Variants in MID1 observed in about 807,000 individuals in gnomAD.
The protein encoded by MID1 is E3 ubiquitin-protein ligase Midline-1.
Under a neutral mutation model 40.4 loss-of-function variants are expected in MID1, and 7 were observed. The ratio of observed to expected loss-of-function variants is 0.17; its 90% confidence interval spans 0.10 to 0.33. MID1 has a LOEUF of 0.33. Ranked by LOEUF, MID1 falls within the 10% of genes least tolerant of loss-of-function variation. MID1 has a pLI of 1.00. For synonymous variants in MID1, 229 were observed against 221.2 expected (o/e 1.04, Z -0.31); for missense variants, 367 against 558.5 (o/e 0.66, Z 3.46).
At chrX:10,808,847 T>C (rs927922296) in intron 1 of MID1, among the ~76,000 whole-genome samples, 188 of 111,694 alleles carry the variant, frequency 1.7e-3, no homozygotes, top group Non-Finnish European at 3.0e-3. Flanking sequence ...TAGGCAATAC[T>C]ATTCAGGACA....
chrX:10,604,216 T>C (rs1935584429), intron 1 of MID1, among the ~76,000 whole-genome samples: 1 of 111,615 alleles, frequency 9.0e-6, no homozygotes, highest in Admixed American at 9.5e-5. Context: ...TTGAAATATA[T>C]ATATTTCAAA....
chrX:10,766,737 A>C (rs1401566274), intron 1 of MID1, among the ~76,000 whole-genome samples: 13 of 109,410 alleles, frequency 1.2e-4, no homozygotes, highest in African/African-American at 4.3e-4. Context: ...CTGGGCAACA[A>C]GGTGAAACCT....
chrX:10,735,457 G>A (rs1466406468), intron 1 of MID1, among the ~76,000 whole-genome samples: 2 of 111,505 alleles, frequency 1.8e-5, no homozygotes, highest in Non-Finnish European at 3.8e-5. Flanking sequence ...ACCCAACGTA[G>A]TTTCTCTCTT....
At chrX:10,616,086 G>A (rs1200505586) in intron 1 of MID1, among the ~76,000 whole-genome samples, 5 of 111,869 alleles carry the variant, frequency 4.5e-5, no homozygotes, top group Admixed American at 1.9e-4. Context: ...AGTGAAGTCC[G>A]CTGCCTGATC....
downstream of MID1, chrX:10,445,344 A>C (rs898053555): frequency 2.7e-5 from 3 of 112,344 alleles, no homozygotes; most frequent in African/African-American, 9.7e-5. Flanking sequence ...TTGTGTTTTA[A>C]AAATTCCCTG....
rs753958050 is a variant in MID1, at chrX:10,465,029, C to T, written c.1285+4668G>A. On this transcript the variant is annotated intron_variant, in intron 7 of 9. Coordinates refer to ENST00000317552, the MANE Select transcript of MID1 (RefSeq NM_000381.4). ...CGAAATCCCATCTCTACTAAAAATACAAAAATTAGCCAGGCGTGGTAGCAC... is the reference window on the plus strand; with the variant it reads ...CGAAATCCCATCTCTACTAAAAATATAAAAATTAGCCAGGCGTGGTAGCAC... Among the ~76,000 whole-genome samples, 8 of 108,123 alleles carry T rather than the reference C, an allele frequency of 7.4e-5. No homozygotes were observed. In the East Asian group the frequency reaches 2.3e-3, roughly 31 times the overall value. 93.9% of individuals were successfully genotyped at this position (108,123 alleles called of 115,157 possible).
At chrX:10,603,159 G>A (rs1935563893) in intron 1 of MID1, among the ~76,000 whole-genome samples, 1 of 112,066 alleles carries the variant, frequency 8.9e-6, no homozygotes, top group Admixed American at 9.4e-5. Context: ...CCACATTTTT[G>A]TCTTTTCTTC....
chrX:10,658,300 T>G (rs1227498497), intron 1 of MID1, among the ~76,000 whole-genome samples: 1 of 108,312 alleles, frequency 9.2e-6, no homozygotes, highest in Non-Finnish European at 1.9e-5. Flanking sequence ...ATCAAATCCT[T>G]TCTCTACTTA....
intron 2 of MID1, among the ~76,000 whole-genome samples, chrX:10,537,409 A>G (rs2525073): frequency 0.3 from 33,258 of 111,262 alleles, 3,956 homozygotes; most frequent in Non-Finnish European, 0.38. Context: ...GACTTTTATA[A>G]TTTGATTTCC....
rs1456081108 is a variant in MID1, at chrX:10,447,783, C to A, written c.*1585G>T. 1.8e-5 allele frequency: 2 copies of A among 111,965 alleles called. No homozygotes were observed. The highest frequency in any genetic ancestry group is 6.5e-5 in the African/African-American group (2 of 30,787). The allele number at this position is 111,965 out of a possible 1,213,427, so 9.2% of individuals were successfully genotyped here. ...TTTGCAATCACATGACCTTTGGCCACGTGATGCTGAAACAATGAGTTCATT... is the reference window on the plus strand; with the variant it reads ...TTTGCAATCACATGACCTTTGGCCAAGTGATGCTGAAACAATGAGTTCATT... On this transcript the variant is annotated 3_prime_UTR_variant, in exon 10 of 10. Transcript: ENST00000317552.
chrX:10,495,665 T>G lies in MID1; in HGVS notation c.783A>C (p.Lys261Asn). The G allele has an allele frequency of 8.3e-7, 1 of 1,208,777 alleles. No individual in the cohort carries two copies. The highest frequency in any genetic ancestry group is 1.1e-6 in the Non-Finnish European group (1 of 892,822). The part of the protein sequence containing the change: ...VEVNASRQEA[K>N]LTEECDLLIE... ...TGAGAAGATCACACTCCTCTGTCAA[T>G]TTGGCTTCTTGACGTGATGCATTGA... The change falls in exon 4 of 10, where the codon AAA becomes AAC. Residue 261 changes from lysine to asparagine, a missense_variant. Transcript: ENST00000317552.
At chrX:10,578,610 A>T (rs1934931970) in intron 1 of MID1, among the ~76,000 whole-genome samples, 1 of 112,596 alleles carries the variant, frequency 8.9e-6, no homozygotes, top group Admixed American at 9.4e-5. Flanking sequence ...GGCACACAGA[A>T]CCTATTTTAC....
At chrX:10,589,883 TCA>T (rs1401668439) in intron 1 of MID1, 2 of 108,577 alleles carry the variant, frequency 1.8e-5, no homozygotes, top group Non-Finnish European at 3.8e-5. Context: ...ACAAAACTCC[TCA>T]GACACCGAGA....
intron 3 of MID1, among the ~76,000 whole-genome samples, chrX:10,506,790 T>C (rs1335819969): frequency 8.9e-6 from 1 of 111,806 alleles, no homozygotes; most frequent in Non-Finnish European, 1.9e-5. Context: ...TGACTAACTG[T>C]GGGGCTAAAC....
At position 10,469,858 on chromosome X, in the gene MID1, G is replaced by A; in HGVS notation, c.1142-18C>T. 2 of 1,202,798 alleles carry A rather than the reference G, an allele frequency of 1.7e-6. No homozygotes were observed. The highest frequency in any genetic ancestry group is 2.3e-6 in the Non-Finnish European group (2 of 888,014). The stretch of plus-strand genomic sequence containing the variant: ...GTTGGGAGCTGTGGGGGTCAAGAAT[G>A]CTTATCAGTGGAAAAGCACACACAA... On this transcript the variant is annotated intron_variant, in intron 6 of 9. Coordinates refer to ENST00000317552, the MANE Select transcript of MID1 (RefSeq NM_000381.4).
chrX:10,746,328 A>T (rs1158987345), intron 1 of MID1, among the ~76,000 whole-genome samples: 1 of 111,933 alleles, frequency 8.9e-6, no homozygotes, highest in Non-Finnish European at 1.9e-5. Flanking sequence ...CCTTATGGCC[A>T]CACCCACTAC....
At chrX:10,566,522 C>A (rs201234016) in intron 2 of MID1, among the ~76,000 whole-genome samples, 13 of 82,255 alleles carry the variant, frequency 1.6e-4, no homozygotes, top group African/African-American at 5.8e-4. Context: ...CCTCTCTCTC[C>A]CTCTCTCTCC....
At chrX:10,548,335 G>A (rs192930066) in intron 2 of MID1, among the ~76,000 whole-genome samples, 1 of 110,925 alleles carries the variant, frequency 9.0e-6, no homozygotes, top group Non-Finnish European at 1.9e-5. Flanking sequence ...TCTCTATAAG[G>A]CCCCTTTCAA....
chrX:10,561,554 C>T (rs1250277702), intron 2 of MID1, among the ~76,000 whole-genome samples: 2 of 106,663 alleles, frequency 1.9e-5, no homozygotes, highest in Non-Finnish European at 3.8e-5. Flanking sequence ...AAAAAGTGGG[C>T]AAAGGATATG....
Sources: allele counts gnomAD v4.1 joint callset (sites outside exome capture counted in the v4.1 genomes callset), GRCh38; gene constraint gnomAD v4.1.1; transcripts MANE v1.5; gene names NCBI Gene and HGNC (gene_info 2026-07-23, HGNC 2026-07-21).